Variants in RLF observed in about 807,000 individuals in gnomAD.
RLF encodes RLF zinc finger.
Under a neutral mutation model 162.9 loss-of-function variants are expected in RLF, and 7 were observed. That is an observed-to-expected ratio of 0.04 (90% CI 0.02 to 0.08). RLF has a LOEUF of 0.08. RLF is among the 10% of genes least tolerant of loss of function. The pLI, the probability that RLF is intolerant of heterozygous loss-of-function variation, is 1.00. For missense variants in RLF, 1,664 were observed against 2,244.7 expected, an observed-to-expected ratio of 0.74 and a Z score of 5.23; for synonymous variants, 782 against 791.5, an observed-to-expected ratio of 0.99 and a Z score of 0.20.
chr1:40,203,221 T>G (rs937456714), intron 5 of RLF, among the ~76,000 whole-genome samples: 1 of 151,232 alleles, frequency 6.6e-6, no homozygotes, highest in Non-Finnish European at 1.5e-5. Context: ...TTCAAGTGAT[T>G]CTTGTGCCTC....
Position 40,185,550 on chromosome 1 carries a change from C to A in RLF, c.238-3505C>A, listed in dbSNP as rs539590789. 2.8e-4 allele frequency among the ~76,000 whole-genome samples: 29 copies of A among 102,894 alleles called. 2 individuals carry two copies. The East Asian group carries it at 9.8e-3, about 35-fold the overall frequency. 67.5% of individuals were successfully genotyped at this position (102,894 alleles called of 152,430 possible). On this transcript the variant is annotated intron_variant, in intron 1 of 7. Coordinates refer to ENST00000372771, the MANE Select transcript of RLF (RefSeq NM_012421.4). ...AAAAAAAAAAAAAAAAAAAGCCGGG[C>A]GCAGTGGCTCCCAGCACTTTGGGAG... is the stretch of plus-strand genomic sequence containing the variant.
At chr1:40,177,780 G>C (rs1642347258) in intron 1 of RLF, 1 of 151,874 alleles carries the variant, frequency 6.6e-6, no homozygotes, top group Non-Finnish European at 1.5e-5. Flanking sequence ...ACGGTGTGAG[G>C]GATGGATGGA....
intron 3 of RLF, among the ~76,000 whole-genome samples, chr1:40,192,970 A>G (rs1642578997): frequency 6.6e-6 from 1 of 152,154 alleles, no homozygotes; most frequent in African/African-American, 2.4e-5. Flanking sequence ...CATAATAATC[A>G]TGGACATACA....
At chr1:40,233,749 G>A (rs80098563) in intron 7 of RLF, among the ~76,000 whole-genome samples, 7,387 of 152,228 alleles carry the variant, frequency 0.049, 585 homozygotes, top group African/African-American at 0.17. Flanking sequence ...GTCTCAGCTC[G>A]TCTGAAAGGT....
At chr1:40,168,092 G>A (rs142462312) in intron 1 of RLF, among the ~76,000 whole-genome samples, 120 of 151,974 alleles carry the variant, frequency 7.9e-4, no homozygotes, top group Middle Eastern at 3.4e-3. Flanking sequence ...TAGCACACCT[G>A]TGATCCCAGC....
chr1:40,207,157 T>C (rs1642807961), intron 5 of RLF, among the ~76,000 whole-genome samples: 1 of 152,208 alleles, frequency 6.6e-6, no homozygotes, highest in Admixed American at 6.5e-5. Context: ...TGTTTACTGG[T>C]ATATCCCTGT....
intron 1 of RLF, among the ~76,000 whole-genome samples, chr1:40,186,624 G>A (rs1642484946): frequency 6.6e-6 from 1 of 152,176 alleles, no homozygotes; most frequent in Admixed American, 6.5e-5. Flanking sequence ...ACTTTAGTTA[G>A]CAGTTGGTTA....
Position 40,238,558 on chromosome 1 carries a change from G to C in RLF, c.3856G>C (p.Glu1286Gln). ...GSHREEQEGR[E>Q]GRGSRRTVAK... ...CCATAGAGAAGAACAAGAAGGAAGAGAGGGCAGAGGTAGCAGGCGAACTGT... is the reference window on the plus strand; with the variant it reads ...CCATAGAGAAGAACAAGAAGGAAGACAGGGCAGAGGTAGCAGGCGAACTGT... Residue 1286 changes from glutamate to glutamine, a missense_variant, in exon 8 of 8, where the codon GAG becomes CAG. Around this residue, in one of 15 missense-constraint regions of RLF, gnomAD observed 102 missense variants for 109.5 expected, o/e 0.93. Coordinates refer to ENST00000372771, the MANE Select transcript of RLF (RefSeq NM_012421.4). This position sits in a 1 kb window ranked among gnomAD's most constrained non-coding sequence, Gnocchi z 5.2. The C allele has an allele frequency of 6.2e-7, 1 of 1,613,836 alleles. No homozygotes were observed. The highest frequency in any genetic ancestry group is 8.5e-7 in the Non-Finnish European group (1 of 1,180,012).
rs1379192427 is a variant in RLF, at chr1:40,238,427, C to T, written c.3725C>T (p.Pro1242Leu). ...GGDPSSNSEKPHCHPKKDECS... is the reference protein window; with the variant it reads ...GGDPSSNSEKLHCHPKKDECS... ...GATCCCAGTAGTAACTCTGAGAAAC[C>T]ACACTGTCATCCTAAAAAGGATGAA... Residue 1242 changes from proline (P) to leucine (L), a missense_variant, in exon 8 of 8, where the codon CCA becomes CTA. Transcript: ENST00000372771. The surrounding 1 kb of genome is among the most constrained non-coding windows in gnomAD (Gnocchi z 5.2). 7 of 1,614,060 alleles carry T rather than the reference C, an allele frequency of 4.3e-6. No homozygotes were observed. Among genetic ancestry groups the T allele is most frequent in the African/African-American group, 1.3e-5 (1 of 75,028 alleles).
intron 5 of RLF, among the ~76,000 whole-genome samples, chr1:40,216,717 A>G (rs1443612806): frequency 6.6e-6 from 1 of 152,178 alleles, no homozygotes; most frequent in Non-Finnish European, 1.5e-5. Flanking sequence ...TGAAGCCAGT[A>G]TTACTTTGAT....
chr1:40,227,155 C>T (rs928986013), intron 6 of RLF, among the ~76,000 whole-genome samples: 2 of 152,164 alleles, frequency 1.3e-5, no homozygotes, highest in Admixed American at 6.6e-5. Flanking sequence ...TGCTTAGTAG[C>T]TAAATTCCTA....
At chr1:40,171,901 A>ACTGGAAT (rs1642250588) in intron 1 of RLF, among the ~76,000 whole-genome samples, 1 of 152,182 alleles carries the variant, frequency 6.6e-6, no homozygotes, top group Non-Finnish European at 1.5e-5. Context: ...TCCTAGGTAG[A>ACTGGAAT]CCATTGTTAA....
chr1:40,205,791 C>G (rs1031248570), intron 5 of RLF, among the ~76,000 whole-genome samples: 1 of 152,030 alleles, frequency 6.6e-6, no homozygotes, highest in Non-Finnish European at 1.5e-5. Context: ...GTGCCTGGCC[C>G]ATTTTTCTTC....
intron 5 of RLF, among the ~76,000 whole-genome samples, chr1:40,216,881 G>A (rs368099515): frequency 4.0e-5 from 6 of 151,824 alleles, no homozygotes; most frequent in Admixed American, 2.0e-4. Context: ...GTGAAACCCC[G>A]TCTCTACTAA....
intron 5 of RLF, among the ~76,000 whole-genome samples, chr1:40,209,802 A>G (rs917348316): frequency 3.9e-5 from 6 of 151,940 alleles, no homozygotes; most frequent in South Asian, 2.1e-4. Context: ...ACTTGAACCC[A>G]GGAGGCAGAG....
chr1:40,189,233 T>C, intron 2 of RLF, 24 bp downstream of exon 2: 1 of 1,597,384 alleles, frequency 6.3e-7, no homozygotes, highest in Middle Eastern at 1.7e-4. Flanking sequence ...CTTAAATCAC[T>C]CTTAAAATTG....
Position 40,239,588 on chromosome 1 carries a change from C to G in RLF, c.4886C>G (p.Pro1629Arg). The change falls in exon 8 of 8, where the codon CCG (proline) becomes CGG (arginine). Residue 1629 changes from proline to arginine, a missense_variant. Physicochemically the swap from Pro to Arg is moderately radical, Grantham distance 103. Around this residue, in one of 15 missense-constraint regions of RLF, gnomAD observed 327 missense variants for 342.7 expected, o/e 0.95. Transcript: ENST00000372771. ...ESERTEHSHS[P>R]GDSSAPIQNT... ...GAGCGCACAGAACACAGCCATTCCC[C>G]GGGTGACAGTAGTGCACCCATCCAG... 4 of 1,614,098 alleles carry G rather than the reference C, an allele frequency of 2.5e-6. No individual in the cohort carries two copies. The highest frequency in any genetic ancestry group is 3.4e-6 in the Non-Finnish European group (4 of 1,180,018).
intron 5 of RLF, among the ~76,000 whole-genome samples, chr1:40,217,756 A>T (rs1450937473): frequency 6.6e-6 from 1 of 152,162 alleles, no homozygotes; most frequent in African/African-American, 2.4e-5. Flanking sequence ...TGGGCAACAG[A>T]GCAATCCGTC....
In RLF at chr1:40,195,634, G is replaced by A. The variant is rs1027285820; in HGVS notation, c.477G>A (p.Glu159=). 2 of 1,610,274 alleles carry A rather than the reference G, an allele frequency of 1.2e-6. No homozygotes were observed. The highest frequency in any genetic ancestry group is 1.7e-4 in the Middle Eastern group (1 of 6,052). The change falls in exon 4 of 8, where the codon GAG becomes GAA. Residue 159 remains glutamate (E), a splice_region_variant and synonymous_variant. Coordinates refer to ENST00000372771, the MANE Select transcript of RLF (RefSeq NM_012421.4). Reference sequence around the variant, plus strand: ...TGGGTGTGCTGTTCTTGTTCTAGGAGTCACATGATGCATTATTGGAATTTG... The same window carrying A: ...TGGGTGTGCTGTTCTTGTTCTAGGAATCACATGATGCATTATTGGAATTTG... ...VWLPFLQSLQ[E]SHDALLEFGN...
Sources: gnomAD v4.1 joint callset for allele counts (sites outside exome capture counted in the v4.1 genomes callset) on GRCh38, gnomAD v4.1.1 for gene constraint, gnomAD v4.1.1 regional missense constraint, Gnocchi (gnomAD v3.1) non-coding constraint, MANE v1.5 for transcripts, NCBI Gene and HGNC (gene_info 2026-07-23, HGNC 2026-07-21) for gene names.